Variants in NEDD4 observed in about 807,000 individuals in gnomAD.
NEDD4 encodes the protein NEDD4 E3 ubiquitin protein ligase.
NEDD4 carries 99 observed loss-of-function variants against 144.9 expected under a neutral mutation model. That is an observed-to-expected ratio of 0.68 (90% CI 0.58 to 0.81). The LOEUF (loss-of-function observed/expected upper bound fraction) is 0.81, where lower values mean the gene tolerates loss of function less well. NEDD4 is among the 30% of genes least tolerant of loss of function. The pLI is 0.00. For synonymous variants in NEDD4, 318 were observed against 350.6 expected, an observed-to-expected ratio of 0.91 and a Z score of 1.04; for missense variants, 985 against 1,065.9, an observed-to-expected ratio of 0.92 and a Z score of 1.06.
chr15:55,834,937 C>G (rs1292944264), intron 24 of NEDD4, among the ~76,000 whole-genome samples: 1 of 152,196 alleles, frequency 6.6e-6, no homozygotes, highest in Non-Finnish European at 1.5e-5. Flanking sequence ...AGTGCCGCCT[C>G]TTCTTTCAGG....
intron 24 of NEDD4, among the ~76,000 whole-genome samples, chr15:55,835,439 T>TTTTTTTTTC (rs1555392050): frequency 7.0e-6 from 1 of 142,858 alleles, no homozygotes. Context: ...TTTTTTTTTT[T>TTTTTTTTTC]CCCATGCCCT....
chr15:55,885,578 T>A (rs1234153449), intron 5 of NEDD4, among the ~76,000 whole-genome samples: 2 of 152,176 alleles, frequency 1.3e-5, no homozygotes, highest in African/African-American at 2.4e-5. Context: ...ATTAGTTTTC[T>A]CTTGGCTTGT....
chr15:55,865,697 G>A (rs544956430), intron 8 of NEDD4, among the ~76,000 whole-genome samples: 11 of 152,182 alleles, frequency 7.2e-5, no homozygotes, highest in East Asian at 1.9e-4. Flanking sequence ...GGCAGTGGAC[G>A]GCTTCCAAGA....
At chr15:55,940,174 G>A (rs1334145239) in intron 4 of NEDD4, among the ~76,000 whole-genome samples, 1 of 152,116 alleles carries the variant, frequency 6.6e-6, no homozygotes, top group Non-Finnish European at 1.5e-5. Flanking sequence ...CATAGAAGCA[G>A]AGAATAGAAT....
chr15:55,974,699 T>C (rs1054890432), intron 1 of NEDD4, among the ~76,000 whole-genome samples: 8 of 151,052 alleles, frequency 5.3e-5, no homozygotes, highest in African/African-American at 1.2e-4. Context: ...GAAAAAGTAT[T>C]TGATAAATTT....
intron 6 of NEDD4, among the ~76,000 whole-genome samples, chr15:55,872,930 A>AG (rs1278516081): frequency 2.0e-5 from 3 of 152,134 alleles, no homozygotes; most frequent in African/African-American, 7.2e-5. Flanking sequence ...AAAAAAAAAA[A>AG]AAAGATTATG....
At chr15:55,867,658 G>A (rs918179547) in intron 8 of NEDD4, among the ~76,000 whole-genome samples, 1 of 152,086 alleles carries the variant, frequency 6.6e-6, no homozygotes, top group Non-Finnish European at 1.5e-5. Context: ...ACAATTATAC[G>A]AAAATCAGAG....
intron 5 of NEDD4, among the ~76,000 whole-genome samples, chr15:55,876,917 A>G (rs1404897462): frequency 6.8e-6 from 1 of 147,918 alleles, no homozygotes; most frequent in African/African-American, 2.5e-5. Context: ...CTTACGCAGG[A>G]TGGTCTCAAA....
At chr15:55,849,757 T>C (rs951918944) in intron 14 of NEDD4, among the ~76,000 whole-genome samples, 17 of 150,992 alleles carry the variant, frequency 1.1e-4, no homozygotes, top group African/African-American at 4.1e-4. Context: ...TAATAATTAA[T>C]TAAAATATAT....
intron 1 of NEDD4, among the ~76,000 whole-genome samples, chr15:55,989,119 C>G (rs1383348364): frequency 6.6e-6 from 1 of 151,998 alleles, no homozygotes; most frequent in Non-Finnish European, 1.5e-5. Context: ...GCCTATAATC[C>G]CAGCTACCCT....
chr15:55,839,269 T>C (rs528899333), intron 21 of NEDD4, among the ~76,000 whole-genome samples: 1 of 152,062 alleles, frequency 6.6e-6, no homozygotes, highest in African/African-American at 2.4e-5. Flanking sequence ...CCTCAAGTGA[T>C]CCACCTGCCT....
At chr15:55,835,970 A>AT (rs1166711559) in intron 24 of NEDD4, among the ~76,000 whole-genome samples, 2 of 151,962 alleles carry the variant, frequency 1.3e-5, no homozygotes, top group Non-Finnish European at 2.9e-5. Context: ...CAGGCCCTGT[A>AT]TAAGCTGGTC....
intron 8 of NEDD4, among the ~76,000 whole-genome samples, chr15:55,867,447 C>T (rs538720625): frequency 9.9e-5 from 15 of 152,208 alleles, no homozygotes; most frequent in African/African-American, 3.1e-4. Flanking sequence ...TCCTATGATG[C>T]GTGCATGTGG....
chr15:55,961,746 G>C (rs1023315095), intron 2 of NEDD4, among the ~76,000 whole-genome samples: 1 of 152,084 alleles, frequency 6.6e-6, no homozygotes, highest in Non-Finnish European at 1.5e-5. Context: ...TGGGATTACA[G>C]ATGTGAGCCA....
At chr15:55,852,963 T>G (rs1453454043) in intron 12 of NEDD4, among the ~76,000 whole-genome samples, 1 of 151,976 alleles carries the variant, frequency 6.6e-6, no homozygotes, top group Non-Finnish European at 1.5e-5. Flanking sequence ...TTGGCCAGGC[T>G]GGTCTCGAAC....
intron 1 of NEDD4, among the ~76,000 whole-genome samples, chr15:55,971,856 C>T (rs12591218): frequency 0.15 from 23,014 of 151,880 alleles, 1,892 homozygotes; most frequent in East Asian, 0.34. Context: ...GGATCTTAGA[C>T]GCAGCAAGAG....
intron 18 of NEDD4, among the ~76,000 whole-genome samples, chr15:55,844,660 T>C (rs191229026): frequency 6.8e-4 from 103 of 152,126 alleles, no homozygotes; most frequent in Non-Finnish European, 1.6e-4. Context: ...CCACATGGAG[T>C]TGTTTCAACT....
chr15:55,944,607 CCTAT>C (rs1345448443), intron 4 of NEDD4, among the ~76,000 whole-genome samples: 15 of 152,192 alleles, frequency 9.9e-5, no homozygotes, highest in African/African-American at 3.4e-4. Context: ...CTTAAATGTC[CCTAT>C]CTGACAGCTC....
At chr15:55,952,457 T>C (rs550372715) in intron 2 of NEDD4, among the ~76,000 whole-genome samples, 34 of 152,336 alleles carry the variant, frequency 2.2e-4, no homozygotes, top group African/African-American at 8.2e-4. Context: ...GACACTTTAC[T>C]TGTCCATTGT....
Sources: allele counts gnomAD v4.1 joint callset (sites outside exome capture counted in the v4.1 genomes callset), GRCh38; gene constraint gnomAD v4.1.1; transcripts MANE v1.5; gene names NCBI Gene and HGNC (gene_info 2026-07-23, HGNC 2026-07-21).